CRYBG3: variants seen among roughly 807,000 people sequenced by gnomAD.
CRYBG3 encodes the protein crystallin beta-gamma domain containing 3.
Under a neutral mutation model 244.2 loss-of-function variants are expected in CRYBG3, and 127 were observed. The ratio of observed to expected loss-of-function variants is 0.52; its 90% CI spans 0.45 to 0.60. CRYBG3 has a LOEUF of 0.60. Among genes scored for constraint, CRYBG3 ranks in the 20% least tolerant of loss-of-function variants. The pLI is 0.00. For missense variants in CRYBG3, 3,325 were observed against 3,442.5 expected (o/e 0.97, Z 0.85); for synonymous variants, 1,132 against 1,195.8 (o/e 0.95, Z 1.10).
Position 97,881,196 on chromosome 3 carries a change from G to T in CRYBG3, c.7129G>T (p.Gly2377Cys). 1.2e-6 allele frequency: 2 copies of T among 1,605,250 alleles called. No homozygotes were observed. Among genetic ancestry groups the T allele is most frequent in the South Asian group, 1.1e-5 (1 of 88,824 alleles). ...RRHPQRNFIL[G>C]SLKRVLKDCS... ...GCATCCACAAAGAAACTTTATATTGGGTTCTCTCAAACGTGTCTTAAAGGT... is the reference window on the plus strand; with the variant it reads ...GCATCCACAAAGAAACTTTATATTGTGTTCTCTCAAACGTGTCTTAAAGGT... Residue 2377 changes from glycine (G) to cysteine (C), a missense_variant, in exon 7 of 22, where the codon GGT becomes TGT. By Grantham distance (159) the Gly-to-Cys change is radical. This residue lies in a region of CRYBG3 where 714 missense variants were observed against 803.6 expected (regional missense o/e 0.89). Transcript: ENST00000389622.
intron 19 of CRYBG3, among the ~76,000 whole-genome samples, chr3:97,938,463 T>A (rs1269193096): frequency 6.6e-6 from 1 of 152,066 alleles, no homozygotes; most frequent in Admixed American, 6.6e-5. Flanking sequence ...ATTTAACCCT[T>A]ACTTAAGTGT....
chr3:97,919,037 A>G (rs911853095), intron 17 of CRYBG3, among the ~76,000 whole-genome samples: 2 of 152,216 alleles, frequency 1.3e-5, no homozygotes, highest in Admixed American at 6.6e-5. Context: ...AATACAATCT[A>G]TCAGAGATGT....
intron 11 of CRYBG3, among the ~76,000 whole-genome samples, chr3:97,893,816 T>C (rs1480647652): frequency 2.6e-5 from 4 of 152,200 alleles, no homozygotes; most frequent in Non-Finnish European, 5.9e-5. Flanking sequence ...GCTACTAAAA[T>C]ATTTTATTCA....
chr3:97,848,154 T>C (rs1291226951), intron 2 of CRYBG3, among the ~76,000 whole-genome samples: 1 of 152,244 alleles, frequency 6.6e-6, no homozygotes, highest in Non-Finnish European at 1.5e-5. Context: ...TCTTTCCTTA[T>C]TAGGTTTTCA....
rs2039533518 is a variant in CRYBG3, at chr3:97,888,361, T to C, written c.7310T>C (p.Ile2437Thr). The change falls in exon 9 of 22, where the codon ATT (isoleucine) becomes ACT (threonine). Residue 2437 changes from isoleucine (I) to threonine (T), a missense_variant. By Grantham distance (89) the Ile-to-Thr change is moderately conservative. Transcript: ENST00000389622. Reference protein sequence around the residue: ...KSGVWLAYPDINFKGQATVLE... With the variant: ...KSGVWLAYPDTNFKGQATVLE... Reference sequence around the variant, plus strand: ...TATAGTTGGCTTGCCTACCCAGATATTAATTTTAAGGGACAAGCTACAGTT... The same window carrying C: ...TATAGTTGGCTTGCCTACCCAGATACTAATTTTAAGGGACAAGCTACAGTT... The C allele has an allele frequency of 1.9e-6, 3 of 1,609,850 alleles. No individual in the cohort carries two copies. Among genetic ancestry groups the C allele is most frequent in the Non-Finnish European group, 2.5e-6 (3 of 1,177,122 alleles).
chr3:97,925,468 A>C (rs2040029557), intron 17 of CRYBG3, among the ~76,000 whole-genome samples: 1 of 152,086 alleles, frequency 6.6e-6, no homozygotes, highest in Non-Finnish European at 1.5e-5. Flanking sequence ...GGATGAAACA[A>C]ATAACCACAC....
chr3:97,870,716 G>A (rs2108211465), intron 3 of CRYBG3, among the ~76,000 whole-genome samples: 1 of 152,194 alleles, frequency 6.6e-6, no homozygotes, highest in Middle Eastern at 3.4e-3. Flanking sequence ...AGATTACTTA[G>A]CAGTAAGTAT....
chr3:97,942,144 TTATAC>T (rs1466290135), intron 20 of CRYBG3, 135 bp from the exon 21 acceptor site: 1 of 586,556 alleles, frequency 1.7e-6, no homozygotes, highest in Non-Finnish European at 2.6e-6. Context: ...CTTACTGAAA[TTATAC>T]TATATAGTAT....
intron 1 of CRYBG3, chr3:97,840,657 G>A (rs577645168): frequency 3.9e-5 from 6 of 152,122 alleles, no homozygotes; most frequent in East Asian, 1.9e-4. Context: ...GAAACTTACC[G>A]TTTTCATTTA....
chr3:97,910,619 C>T (rs892068815), intron 15 of CRYBG3, among the ~76,000 whole-genome samples: 1 of 152,208 alleles, frequency 6.6e-6, no homozygotes. Flanking sequence ...GCGCACGGTG[C>T]ACGCACCCAT....
rs765858130 is a variant in CRYBG3 at position 97,896,073 on chromosome 3, G to A, written c.7689G>A (p.Arg2563=). 1.9e-6 allele frequency: 3 copies of A among 1,608,846 alleles called. No homozygotes were observed. Among genetic ancestry groups the A allele is most frequent in the South Asian group, 1.1e-5 (1 of 90,046 alleles). ...GALSSPILSF[R]YLQANFIESS... ...TAAGTAGCCCTATCTTGTCTTTCCGGTACTTACAAGCTGTGAGTTAGCTTC... is the reference window on the plus strand; with the variant it reads ...TAAGTAGCCCTATCTTGTCTTTCCGATACTTACAAGCTGTGAGTTAGCTTC... Residue 2563 remains arginine (R), a synonymous_variant, in exon 12 of 22, where the codon CGG becomes CGA. Coordinates refer to ENST00000389622, the MANE Select transcript of CRYBG3 (RefSeq NM_153605.4).
At chr3:97,866,984 G>C (rs532801140) in intron 3 of CRYBG3, 2 of 152,202 alleles carry the variant, frequency 1.3e-5, no homozygotes, top group South Asian at 4.1e-4. Context: ...TACAGTTTCA[G>C]CAACTTCCTC....
intron 17 of CRYBG3, among the ~76,000 whole-genome samples, chr3:97,925,151 A>T (rs1278683269): frequency 6.6e-6 from 1 of 152,040 alleles, no homozygotes; most frequent in Admixed American, 6.6e-5. Context: ...TAATTAGAAG[A>T]GCTCTTTCAA....
intron 17 of CRYBG3, chr3:97,924,458 C>T (rs1000778117): frequency 9.1e-6 from 4 of 439,966 alleles, no homozygotes; most frequent in African/African-American, 8.2e-5. Context: ...TAACAAATTA[C>T]TGTAAACTTA....
intron 7 of CRYBG3, among the ~76,000 whole-genome samples, chr3:97,883,369 C>T (rs1376229862): frequency 3.9e-5 from 6 of 152,134 alleles, no homozygotes; most frequent in Middle Eastern, 3.2e-3. Context: ...TAACTGAACT[C>T]TTCTAAGATT....
intron 11 of CRYBG3, among the ~76,000 whole-genome samples, 175 bp from the exon 12 acceptor site, chr3:97,895,784 T>C (rs1405639576): frequency 6.6e-6 from 1 of 152,230 alleles, no homozygotes; most frequent in Non-Finnish European, 1.5e-5. Context: ...TTATAAAAAT[T>C]ATTGATCTAT....
chr3:97,897,192 G>A lies in CRYBG3; in HGVS notation c.7701+1107G>A, dbSNP rs192973457. On this transcript the variant is annotated intron_variant, in intron 12 of 21. Transcript: ENST00000389622. Reference sequence around the variant, plus strand: ...CTTTGACATTGAGTTGGTATGCAGCGGAGACCATTGTTTATCCTAAATTAA... The same window carrying A: ...CTTTGACATTGAGTTGGTATGCAGCAGAGACCATTGTTTATCCTAAATTAA... Among the ~76,000 whole-genome samples the A allele has an allele frequency of 3.8e-4, 57 of 151,918 alleles. 1 individual carries two copies. Among genetic ancestry groups the A allele is most frequent in the African/African-American group, 1.3e-3 (55 of 41,428 alleles).
At chr3:97,864,072 G>A in intron 2 of CRYBG3, 145 bp from the exon 3 acceptor site, 1 of 657,674 alleles carries the variant, frequency 1.5e-6, no homozygotes, top group South Asian at 2.1e-5. Context: ...TCAGTAGATT[G>A]TGAACTGCCC....
At chr3:97,911,201 C>G (rs561205131) in intron 15 of CRYBG3, among the ~76,000 whole-genome samples, 1 of 152,178 alleles carries the variant, frequency 6.6e-6, no homozygotes, top group Non-Finnish European at 1.5e-5. Context: ...TGAACATTAG[C>G]TGCTCAGAAA....
Sources: gnomAD v4.1 joint callset for allele counts (sites outside exome capture counted in the v4.1 genomes callset) on GRCh38, gnomAD v4.1.1 for gene constraint, gnomAD v4.1.1 regional missense constraint, MANE v1.5 for transcripts, NCBI Gene and HGNC (gene_info 2026-07-23, HGNC 2026-07-21) for gene names.